ECE1: variants seen among roughly 807,000 people sequenced by gnomAD.
ECE1 encodes the protein endothelin-converting enzyme 1.
Under a neutral mutation model 98.6 loss-of-function variants are expected in ECE1, and 35 were observed. The observed-to-expected ratio is 0.35, with a 90% CI of 0.27 to 0.47. The LOEUF is 0.47. Among genes scored for constraint, ECE1 ranks in the 20% least tolerant of loss-of-function variants. The probability of loss-of-function intolerance (pLI) is 1.00; values close to 1 mark genes in which losing one functional copy is unlikely to be tolerated. For missense variants in ECE1, 814 were observed against 1,025.3 expected, an observed-to-expected ratio of 0.79 and a Z score of 2.81; for synonymous variants, 394 against 407.1, an observed-to-expected ratio of 0.97 and a Z score of 0.39.
chr1:21,341,738 T>C (rs552131664), intron 1 of ECE1, among the ~76,000 whole-genome samples: 1 of 152,114 alleles, frequency 6.6e-6, no homozygotes, highest in East Asian at 1.9e-4. Flanking sequence ...CTGGAGTGGC[T>C]GAGAGGCACC....
At position 21,225,103 on chromosome 1, in the gene ECE1, C is replaced by T. The variant is rs2098172211; in HGVS notation, c.2040+147G>A. 11 of 1,090,864 alleles carry T rather than the reference C, an allele frequency of 1.0e-5. No individual in the cohort carries two copies. Among genetic ancestry groups the T allele is most frequent in the Non-Finnish European group, 1.4e-5 (11 of 762,388 alleles). 67.6% of individuals were successfully genotyped at this position (1,090,864 alleles called of 1,614,324 possible). A position where few individuals can be genotyped will look rare whatever the true frequency, so the allele number is the denominator to read the frequency against. On this transcript the variant is annotated intron_variant, in intron 17 of 18. Transcript: ENST00000374893. The surrounding 1 kb of genome is among the most constrained non-coding windows in gnomAD (Gnocchi z 5.3). ...TCCACGGTCGGCATCGCGATTGGTCCTCGCCACCCCCAATTTCGCAGAAGA... is the reference window on the plus strand; with the variant it reads ...TCCACGGTCGGCATCGCGATTGGTCTTCGCCACCCCCAATTTCGCAGAAGA...
Position 21,290,408 on chromosome 1 carries a change from C to G in ECE1, c.7G>C (p.Gly3Arg). The G allele has an allele frequency of 8.1e-7, 1 of 1,238,382 alleles. No individual in the cohort carries two copies. The highest frequency in any genetic ancestry group is 1.0e-6 in the Non-Finnish European group (1 of 993,024). 76.7% of individuals were successfully genotyped at this position (1,238,382 alleles called of 1,614,324 possible). ...GCGGACACCGGGGGCGGCCACACGC[C>G]CCGCATGCTGTGCCCCAGACGCCTG... MR[G>R]VWPPPVSALL... Residue 3 changes from glycine to arginine, a missense_variant, in exon 1 of 19, where the codon GGC becomes CGC. Around this residue, in one of 3 missense-constraint regions of ECE1, gnomAD observed 257 missense variants for 278.9 expected, o/e 0.92. Coordinates refer to ENST00000374893, the MANE Select transcript of ECE1 (RefSeq NM_001397.3). This position sits in a 1 kb window ranked among gnomAD's most constrained non-coding sequence, Gnocchi z 7.3.
At chr1:21,343,318 T>C (rs546886552) in intron 1 of ECE1, among the ~76,000 whole-genome samples, 6 of 152,318 alleles carry the variant, frequency 3.9e-5, no homozygotes, top group East Asian at 3.9e-4. Context: ...CCTGGCTAAA[T>C]GACAGACGAA....
At chr1:21,308,515 G>A (rs1015162027) in intron 1 of ECE1, among the ~76,000 whole-genome samples, 2 of 152,118 alleles carry the variant, frequency 1.3e-5, no homozygotes, top group Admixed American at 6.5e-5. Flanking sequence ...GAGCTCTGGC[G>A]TGTGTTCCAG....
chr1:21,279,430 G>A, intron 2 of ECE1, 98 bp from the exon 3 acceptor site: 4 of 1,596,346 alleles, frequency 2.5e-6, no homozygotes, highest in Non-Finnish European at 3.4e-6. Context: ...GCCCTGGAGA[G>A]GCATCAGGGC....
In ECE1 at chr1:21,230,303, G is replaced by A. The variant is rs143334910; in HGVS notation, c.1671-2262C>T. 7.3e-3 allele frequency among the ~76,000 whole-genome samples: 1,107 copies of A among 152,238 alleles called. 13 individuals are homozygous for A. Among genetic ancestry groups the A allele is most frequent in the Middle Eastern group, 0.058 (17 of 294 alleles). On this transcript the variant is annotated intron_variant, in intron 14 of 18. Coordinates refer to ENST00000374893, the MANE Select transcript of ECE1 (RefSeq NM_001397.3). ...AGTTTTGGTGTAGTATCAGAAGAAC[G>A]TGCACAAGTACCAGAAAAGACTATT... is the stretch of plus-strand genomic sequence containing the variant.
intron 2 of ECE1, among the ~76,000 whole-genome samples, chr1:21,286,842 C>T (rs930780614): frequency 6.6e-6 from 1 of 151,340 alleles, no homozygotes; most frequent in African/African-American, 2.4e-5. Flanking sequence ...GAGAGAATCA[C>T]AGGTCAAGGC....
chr1:21,300,451 T>C (rs1638459688), intron 1 of ECE1, among the ~76,000 whole-genome samples: 1 of 152,198 alleles, frequency 6.6e-6, no homozygotes, highest in Admixed American at 6.5e-5. Context: ...TTTTTTTTTT[T>C]TGAGACAGAG....
intron 18 of ECE1, among the ~76,000 whole-genome samples, chr1:21,221,491 A>T (rs1481361658): frequency 6.6e-6 from 1 of 152,136 alleles, no homozygotes; most frequent in Non-Finnish European, 1.5e-5. Flanking sequence ...AAGTTTAAGA[A>T]ACCTCTAGAA....
intron 4 of ECE1, among the ~76,000 whole-genome samples, chr1:21,265,619 C>G (rs2098232964): frequency 6.6e-6 from 1 of 152,102 alleles, no homozygotes; most frequent in South Asian, 2.1e-4. Flanking sequence ...CTCCATAGCC[C>G]CTCGTTCAGG....
intron 4 of ECE1, among the ~76,000 whole-genome samples, chr1:21,263,841 G>A (rs2103303157): frequency 6.6e-6 from 1 of 152,018 alleles, no homozygotes; most frequent in South Asian, 2.1e-4. Flanking sequence ...CTGGTTCCAG[G>A]AGCCCACGGG....
intron 1 of ECE1, among the ~76,000 whole-genome samples, chr1:21,296,334 C>T (rs1279856043): frequency 6.6e-6 from 1 of 151,830 alleles, no homozygotes; most frequent in African/African-American, 2.4e-5. Context: ...CACAGTGAGA[C>T]TTTGTCTCTA....
chr1:21,274,458 A>T (rs1283063280), intron 3 of ECE1, among the ~76,000 whole-genome samples: 1 of 152,228 alleles, frequency 6.6e-6, no homozygotes, highest in East Asian at 1.9e-4. Flanking sequence ...TCCATGCCTC[A>T]GTTTATCCAT....
intron 1 of ECE1, among the ~76,000 whole-genome samples, chr1:21,344,177 G>T (rs995432781): frequency 2.0e-5 from 3 of 152,164 alleles, no homozygotes; most frequent in African/African-American, 4.8e-5. Flanking sequence ...GAGAGATGGG[G>T]GGGCGGGTTG....
chr1:21,238,185 C>T lies in ECE1; in HGVS notation c.1338G>A (p.Ala446=), dbSNP rs199759236. 2.4e-5 allele frequency: 39 copies of T among 1,614,252 alleles called. No homozygotes were observed. The African/African-American group carries it at 3.6e-4, about 15-fold the overall frequency. Reference sequence around the variant, plus strand: ...TTGCTTTGACAAACATGGGGCCCAACGCAAAGCCCAGGTTGTTTTCTGTGT... The same window carrying T: ...TTGCTTTGACAAACATGGGGCCCAATGCAAAGCCCAGGTTGTTTTCTGTGT... ...VSDTENNLGF[A]LGPMFVKATF... Residue 446 remains alanine (A), a synonymous_variant, in exon 11 of 19, where the codon GCG becomes GCA. Coordinates refer to ENST00000374893, the MANE Select transcript of ECE1 (RefSeq NM_001397.3).
At chr1:21,320,783 G>C (rs556449146) in intron 1 of ECE1, among the ~76,000 whole-genome samples, 2 of 152,190 alleles carry the variant, frequency 1.3e-5, no homozygotes, top group African/African-American at 2.4e-5. Context: ...TTCATTCTGC[G>C]GAGGGTTCCT....
chr1:21,300,917 C>A lies in ECE1; in HGVS notation c.4-10761G>T, dbSNP rs1475436020. Among the ~76,000 whole-genome samples the A allele has an allele frequency of 2.0e-5, 3 of 152,148 alleles. No individual in the cohort carries two copies. The East Asian group carries it at 5.8e-4, about 29-fold the overall frequency. ...AAAATATAAGGTGCTTTGTATAGTG[C>A]CTGGTACACAGCAAGTGCTCCATAA... On this transcript the variant is annotated intron_variant, in intron 1 of 18. Coordinates refer to the ECE1 transcript ENST00000415912.
In ECE1 at chr1:21,345,060, A is replaced by G. The variant is rs12075060; in HGVS notation, c.3+316T>C. The stretch of plus-strand genomic sequence containing the variant: ...GCCAAGCTGAGTCCAGGGACTTCAG[A>G]ACAACCCAAAACAGACCGCAGCAAC... On this transcript the variant is annotated intron_variant, in intron 1 of 18. Transcript: ENST00000415912. The surrounding 1 kb of genome is among the most constrained non-coding windows in gnomAD (Gnocchi z 5.1). The G allele has an allele frequency of 0.08, 15,921 of 197,924 alleles. 2,615 individuals are homozygous for G. Among genetic ancestry groups the G allele is most frequent in the African/African-American group, 0.35 (14,675 of 42,534 alleles). 12.3% of individuals were successfully genotyped at this position (197,924 alleles called of 1,614,324 possible).
chr1:21,296,110 A>G (rs1420839749), intron 1 of ECE1, among the ~76,000 whole-genome samples: 1 of 152,092 alleles, frequency 6.6e-6, no homozygotes, highest in Non-Finnish European at 1.5e-5. Context: ...TGTTCAGCCA[A>G]CATTTGTTGT....
Sources: allele counts gnomAD v4.1 joint callset (sites outside exome capture counted in the v4.1 genomes callset), GRCh38; gene constraint gnomAD v4.1.1; regional missense constraint gnomAD v4.1.1; non-coding constraint Gnocchi (gnomAD v3.1); transcripts MANE v1.5; gene names NCBI Gene and HGNC (gene_info 2026-07-23, HGNC 2026-07-21).